Variants in TRHDE observed in about 807,000 individuals in gnomAD.
The protein encoded by TRHDE is thyrotropin releasing hormone degrading enzyme.
TRHDE carries 72 observed loss-of-function variants against 125.7 expected under a neutral mutation model. That is an observed-to-expected ratio of 0.57 (90% CI 0.47 to 0.70). The LOEUF (loss-of-function observed/expected upper bound fraction) is 0.70. Ranked by LOEUF, TRHDE falls within the 30% of genes least tolerant of loss-of-function variation. The pLI, the probability that TRHDE is intolerant of heterozygous loss-of-function variation, is 0.00. For synonymous variants in TRHDE, 509 were observed against 509.1 expected, an observed-to-expected ratio of 1.00 and a Z score of 0.00; for missense variants, 1,110 against 1,327.1, an observed-to-expected ratio of 0.84 and a Z score of 2.54.
chr12:72,597,717 A>ACG (rs1872019564), intron 12 of TRHDE, among the ~76,000 whole-genome samples: 1 of 3,692 alleles, frequency 2.7e-4, no homozygotes, highest in Non-Finnish European at 4.4e-4. Context: ...GTGTATGTAT[A>ACG]TATATATATA....
At chr12:72,164,749 C>T (rs1220952128) in intron 2 of TRHDE, among the ~76,000 whole-genome samples, 1 of 152,198 alleles carries the variant, frequency 6.6e-6, no homozygotes, top group African/African-American at 2.4e-5. Flanking sequence ...ACACTTTCCT[C>T]ACTGACCTCC....
chr12:72,359,088 G>T (rs1870949293), intron 2 of TRHDE, among the ~76,000 whole-genome samples: 1 of 151,392 alleles, frequency 6.6e-6, no homozygotes, highest in African/African-American at 2.4e-5. Flanking sequence ...ACATGACTAA[G>T]TAGGTGTACC....
chr12:72,325,469 G>A (rs979550097), intron 2 of TRHDE, among the ~76,000 whole-genome samples: 1 of 151,962 alleles, frequency 6.6e-6, no homozygotes, highest in Admixed American at 6.6e-5. Flanking sequence ...TGGCAATTTT[G>A]TTGTTGTAAC....
Position 72,667,502 on chromosome 12 carries a change from G to A in TRHDE, c.*4307G>A, listed in dbSNP as rs1156538753. ...TTCACAAGGCACTTAGTGAGGGAAA[G>A]GAATACAGAGATGAATATGGCCTGA... On this transcript the variant is annotated 3_prime_UTR_variant, in exon 19 of 19. Transcript: ENST00000261180. 2.0e-5 allele frequency: 3 copies of A among 151,350 alleles called. No individual in the cohort carries two copies. The highest frequency in any genetic ancestry group is 4.4e-5 in the Non-Finnish European group (3 of 67,720). The allele number at this position is 151,350 out of a possible 1,614,324, so 9.4% of individuals were successfully genotyped here. A position where few individuals can be genotyped will look rare whatever the true frequency, so the allele number is the denominator to read the frequency against.
chr12:72,147,441 A>T (rs1456019377), intron 2 of TRHDE: 1 of 152,152 alleles, frequency 6.6e-6, no homozygotes, highest in African/African-American at 2.4e-5. Context: ...CTGAGTGCTA[A>T]GTTTACCTAA....
intron 18 of TRHDE, among the ~76,000 whole-genome samples, chr12:72,662,037 A>G (rs1194948729): frequency 6.6e-6 from 1 of 152,184 alleles, no homozygotes; most frequent in Non-Finnish European, 1.5e-5. Context: ...TTCTAAATCA[A>G]TTCAGAAAGT....
At chr12:72,658,497 C>T (rs907887120) in intron 18 of TRHDE, among the ~76,000 whole-genome samples, 1 of 151,978 alleles carries the variant, frequency 6.6e-6, no homozygotes, top group Non-Finnish European at 1.5e-5. Flanking sequence ...CTCTCTTATC[C>T]CTTCTTTAAT....
chr12:72,320,850 G>C (rs920384554), intron 2 of TRHDE, among the ~76,000 whole-genome samples: 16 of 152,086 alleles, frequency 1.1e-4, no homozygotes, highest in African/African-American at 3.6e-4. Flanking sequence ...AGCATTGCGA[G>C]TTTTGCATTT....
At chr12:72,251,239 A>G (rs553730546) in intron 2 of TRHDE, among the ~76,000 whole-genome samples, 2 of 152,136 alleles carry the variant, frequency 1.3e-5, no homozygotes, top group African/African-American at 4.8e-5. Context: ...AAGATACAGA[A>G]CAGTCCCATC....
At chr12:72,145,170 C>T (rs1329078610) in intron 2 of TRHDE, among the ~76,000 whole-genome samples, 1 of 152,148 alleles carries the variant, frequency 6.6e-6, no homozygotes, top group African/African-American at 2.4e-5. Flanking sequence ...CTGAGCTGTT[C>T]TTACTGAGAT....
chr12:72,180,529 G>C (rs1021883987), intron 2 of TRHDE, among the ~76,000 whole-genome samples: 4 of 151,982 alleles, frequency 2.6e-5, no homozygotes, highest in African/African-American at 9.7e-5. Context: ...GGTCATTTTA[G>C]ACCCTTGAGT....
intron 2 of TRHDE, among the ~76,000 whole-genome samples, chr12:72,354,762 T>C (rs1258039519): frequency 6.7e-6 from 1 of 150,338 alleles, no homozygotes; most frequent in East Asian, 2.0e-4. Context: ...AATATGCATA[T>C]ACATGGTTAT....
At chr12:72,095,517 C>A (rs541502453) in intron 1 of TRHDE, among the ~76,000 whole-genome samples, 1 of 152,264 alleles carries the variant, frequency 6.6e-6, no homozygotes, top group South Asian at 2.1e-4. Flanking sequence ...AAGCTGAAAT[C>A]CAGCTTGATG....
intron 10 of TRHDE, among the ~76,000 whole-genome samples, chr12:72,569,981 T>G (rs983889619): frequency 2.0e-5 from 3 of 152,180 alleles, no homozygotes; most frequent in African/African-American, 7.2e-5. Context: ...GAGCAGTGAG[T>G]TGTTATAATG....
intron 2 of TRHDE, among the ~76,000 whole-genome samples, chr12:72,367,200 A>T (rs967928771): frequency 1.3e-5 from 2 of 152,118 alleles, no homozygotes; most frequent in African/African-American, 4.8e-5. Context: ...AAACCACAGC[A>T]CAAATTCTTC....
At position 72,539,505 on chromosome 12, in the gene TRHDE, G is replaced by C. The variant is rs956701926; in HGVS notation, c.1723-2786G>C. ...CTCTGTTATCCATGTCTTACATTAA[G>C]GGAGCACCTCCTCTGAGCCAGACAT... On this transcript the variant is annotated intron_variant, in intron 6 of 18. Coordinates refer to ENST00000261180, the MANE Select transcript of TRHDE (RefSeq NM_013381.3). Among the ~76,000 whole-genome samples the C allele has an allele frequency of 2.0e-5, 3 of 151,820 alleles. No homozygotes were observed. The Admixed American group carries it at 2.0e-4, about 10-fold the overall frequency.
intron 2 of TRHDE, among the ~76,000 whole-genome samples, chr12:72,307,406 G>A (rs375472451): frequency 1.1e-4 from 17 of 150,704 alleles, no homozygotes; most frequent in East Asian, 7.8e-4. Flanking sequence ...AACTCCTGGC[G>A]TCAAGTGGAT....
chr12:72,531,006 A>G (rs1160898502), intron 6 of TRHDE, among the ~76,000 whole-genome samples: 1 of 152,110 alleles, frequency 6.6e-6, no homozygotes, highest in East Asian at 1.9e-4. Context: ...AAATGCACAA[A>G]TAAACTAATC....
intron 2 of TRHDE, among the ~76,000 whole-genome samples, chr12:72,123,820 C>G (rs146424442): frequency 0.012 from 1,873 of 152,144 alleles, 33 homozygotes; most frequent in African/African-American, 0.043. Context: ...TTTTATCATG[C>G]CTCATTACAA....
Sources: gnomAD v4.1 joint callset for allele counts (sites outside exome capture counted in the v4.1 genomes callset) on GRCh38, gnomAD v4.1.1 for gene constraint, MANE v1.5 for transcripts, NCBI Gene and HGNC (gene_info 2026-07-23, HGNC 2026-07-21) for gene names.